The following CSMD1 variants were observed in gnomAD, a reference collection of about 807,000 sequenced individuals.
CSMD1 encodes the protein CUB and sushi domain-containing protein 1.
In CSMD1, 213 loss-of-function variants were observed where a neutral mutation model predicts 417.5. The ratio of observed to expected loss-of-function variants is 0.51; its 90% confidence interval spans 0.46 to 0.57. The LOEUF is 0.57. Among genes scored for constraint, CSMD1 ranks in the 20% least tolerant of loss-of-function variants. The probability of loss-of-function intolerance (pLI) is 0.00; values close to 1 mark genes in which losing one functional copy is unlikely to be tolerated. For missense variants in CSMD1, 6,923 were observed against 4,529.7 expected, an observed-to-expected ratio of 1.53 and a Z score of -15.17; for synonymous variants, 2,862 against 1,736.8, an observed-to-expected ratio of 1.65 and a Z score of -16.11.
intron 12 of CSMD1, among the ~76,000 whole-genome samples, chr8:3,431,635 A>G (rs1262341238): frequency 6.6e-6 from 1 of 152,162 alleles, no homozygotes; most frequent in Non-Finnish European, 1.5e-5. Flanking sequence ...AACAACTGAC[A>G]AAACTTGTTT....
chr8:4,863,044 C>T (rs369735489), intron 1 of CSMD1, among the ~76,000 whole-genome samples: 7 of 152,088 alleles, frequency 4.6e-5, no homozygotes, highest in African/African-American at 1.7e-4. Flanking sequence ...TTGGGCTTGA[C>T]AATGTGAGGT....
At chr8:3,242,796 AGG>A (rs1190389090) in intron 26 of CSMD1, among the ~76,000 whole-genome samples, 50 of 33,128 alleles carry the variant, frequency 1.5e-3, no homozygotes, top group Admixed American at 3.1e-3. Context: ...CAAGCGGGAA[AGG>A]GGTTGGGGCG....
rs183079862 is a variant in CSMD1, at chr8:3,834,727, G to A, written c.819-80685C>T. Among the ~76,000 whole-genome samples, 234 of 152,064 alleles carry A rather than the reference G, an allele frequency of 1.5e-3. 1 individual carries two copies. Among genetic ancestry groups the A allele is most frequent in the African/African-American group, 4.1e-3 (168 of 41,474 alleles). On this transcript the variant is annotated intron_variant, in intron 5 of 69. Coordinates refer to ENST00000635120, the MANE Select transcript of CSMD1 (RefSeq NM_033225.6). ...TCTTGGGCAGATTAGAAATTTGGACGGCTCCATTCTCGGAGGTGGAGCCAA... is the reference window on the plus strand; with the variant it reads ...TCTTGGGCAGATTAGAAATTTGGACAGCTCCATTCTCGGAGGTGGAGCCAA...
chr8:4,910,755 G>C (rs922831308), intron 1 of CSMD1, among the ~76,000 whole-genome samples: 3 of 152,138 alleles, frequency 2.0e-5, no homozygotes, highest in Non-Finnish European at 4.4e-5. Flanking sequence ...ATTATATATT[G>C]TCTCACCCCA....
Position 4,712,064 on chromosome 8 carries a change from T to C in CSMD1, c.86-74506A>G, listed in dbSNP as rs80226476. ...CTCAGGAGAAATCCCATAAAATGCA[T>C]GTTCACTGCCATGAAGAAGAAATTA... On this transcript the variant is annotated intron_variant, in intron 1 of 69. Transcript: ENST00000635120. Among the ~76,000 whole-genome samples, 339 of 152,276 alleles carry C rather than the reference T, an allele frequency of 2.2e-3. 6 individuals carry two copies. In the East Asian group the frequency reaches 0.057, roughly 25 times the overall value.
At chr8:3,586,091 T>G (rs1563175903) in intron 9 of CSMD1, 45 bp downstream of exon 9, 1 of 1,581,114 alleles carries the variant, frequency 6.3e-7, no homozygotes, top group Non-Finnish European at 8.6e-7. Flanking sequence ...ATGCCAACCT[T>G]AAAGAAAGAG....
chr8:3,502,541 G>A (rs924814723), intron 10 of CSMD1, among the ~76,000 whole-genome samples: 1 of 152,122 alleles, frequency 6.6e-6, no homozygotes, highest in Non-Finnish European at 1.5e-5. Flanking sequence ...AAAAGGAAAT[G>A]AGCTGTCAAG....
intron 4 of CSMD1, among the ~76,000 whole-genome samples, chr8:3,999,018 CTA>C (rs1024697463): frequency 2.0e-5 from 3 of 148,630 alleles, no homozygotes; most frequent in Non-Finnish European, 4.5e-5. Flanking sequence ...AACATATAAA[CTA>C]TATGATACTT....
At chr8:4,311,085 A>G (rs73191961) in intron 3 of CSMD1, among the ~76,000 whole-genome samples, 95,070 of 152,084 alleles carry the variant, frequency 0.63, 30,680 homozygotes, top group East Asian at 0.86. Flanking sequence ...GTGGAAAGCA[A>G]TGTGGCATAT....
chr8:3,950,395 C>G (rs904771827), intron 5 of CSMD1, among the ~76,000 whole-genome samples: 1 of 152,214 alleles, frequency 6.6e-6, no homozygotes, highest in African/African-American at 2.4e-5. Flanking sequence ...CAGTTCCAAT[C>G]GGCCTACGGG....
At chr8:4,268,576 T>C (rs1804369973) in intron 3 of CSMD1, among the ~76,000 whole-genome samples, 1 of 152,184 alleles carries the variant, frequency 6.6e-6, no homozygotes, top group Admixed American at 6.5e-5. Flanking sequence ...ATGAATATCC[T>C]CATTTCCAAA....
intron 3 of CSMD1, among the ~76,000 whole-genome samples, chr8:4,257,419 C>T (rs1456884227): frequency 1.3e-5 from 2 of 148,720 alleles, no homozygotes; most frequent in Admixed American, 6.6e-5. Context: ...CATGGATTTG[C>T]ACTTTTCTCT....
intron 30 of CSMD1, among the ~76,000 whole-genome samples, chr8:3,206,851 T>C (rs985966600): frequency 1.7e-4 from 26 of 152,230 alleles, no homozygotes; most frequent in African/African-American, 5.1e-4. Flanking sequence ...TCCAATTAAA[T>C]CCCAGCCATT....
chr8:2,966,471 A>C lies in CSMD1; in HGVS notation c.9100+99T>G. The C allele has an allele frequency of 2.8e-6, 3 of 1,068,524 alleles. No homozygotes were observed. In the South Asian group the frequency reaches 5.9e-5, roughly 21 times the overall value. The allele number at this position is 1,068,524 out of a possible 1,614,324, so 66.2% of individuals were successfully genotyped here. A position where few individuals can be genotyped will look rare whatever the true frequency, so the allele number is the denominator to read the frequency against. On this transcript the variant is annotated intron_variant, in intron 58 of 69. Coordinates refer to ENST00000635120, the MANE Select transcript of CSMD1 (RefSeq NM_033225.6). Reference sequence around the variant, plus strand: ...TTTCCCTTTTTTCCTCTATGAATTAAAAATAAAAAAACAGTATAACACCTT... The same window carrying C: ...TTTCCCTTTTTTCCTCTATGAATTACAAATAAAAAAACAGTATAACACCTT...
At chr8:4,430,068 G>A (rs1034206573) in intron 2 of CSMD1, among the ~76,000 whole-genome samples, 1 of 152,158 alleles carries the variant, frequency 6.6e-6, no homozygotes, top group Non-Finnish European at 1.5e-5. Context: ...AAGTATAAAA[G>A]CAGAAACAAA....
chr8:3,545,644 C>A (rs1305744347), intron 10 of CSMD1, among the ~76,000 whole-genome samples: 1 of 152,306 alleles, frequency 6.6e-6, no homozygotes, highest in Non-Finnish European at 1.5e-5. Flanking sequence ...GGTGCATCAT[C>A]AGCGGTGGAC....
chr8:4,716,422 A>T lies in CSMD1; in HGVS notation c.86-78864T>A, dbSNP rs539855700. Among the ~76,000 whole-genome samples the T allele has an allele frequency of 8.5e-5, 13 of 152,200 alleles. No individual in the cohort carries two copies. The East Asian group carries it at 2.3e-3, about 27-fold the overall frequency. On this transcript the variant is annotated intron_variant, in intron 1 of 69. Coordinates refer to ENST00000635120, the MANE Select transcript of CSMD1 (RefSeq NM_033225.6). Reference sequence around the variant, plus strand: ...ATGGGACTTTTTCATAAATGTATACAAGGGACATCAAGATTAATATCTGAA... The same window carrying T: ...ATGGGACTTTTTCATAAATGTATACTAGGGACATCAAGATTAATATCTGAA...
At chr8:3,586,780 A>G (rs1800620223) in intron 8 of CSMD1, among the ~76,000 whole-genome samples, 2 of 152,116 alleles carry the variant, frequency 1.3e-5, no homozygotes, top group Admixed American at 1.3e-4. Context: ...GGAACAGAAT[A>G]TTTTACTTTT....
intron 3 of CSMD1, among the ~76,000 whole-genome samples, chr8:4,075,493 A>T (rs1319732015): frequency 1.3e-5 from 2 of 152,210 alleles, no homozygotes; most frequent in Non-Finnish European, 2.9e-5. Context: ...ATAAAGTGGC[A>T]AATGAATTTC....
Sources: gnomAD v4.1 joint callset for allele counts (sites outside exome capture counted in the v4.1 genomes callset) on GRCh38, gnomAD v4.1.1 for gene constraint, MANE v1.5 for transcripts, NCBI Gene and HGNC (gene_info 2026-07-23, HGNC 2026-07-21) for gene names.